Variants in PITPNC1 observed in about 807,000 individuals in gnomAD.
PITPNC1 encodes phosphatidylinositol transfer protein cytoplasmic 1.
In PITPNC1, 18 loss-of-function variants were observed where a neutral mutation model predicts 44.7. The ratio of observed to expected loss-of-function variants is 0.40; its 90% CI spans 0.28 to 0.60. The LOEUF (loss-of-function observed/expected upper bound fraction) is 0.60, where lower values mean the gene tolerates loss of function less well. Among genes scored for constraint, PITPNC1 ranks in the 20% least tolerant of loss-of-function variants. The pLI, the probability that PITPNC1 is intolerant of heterozygous loss-of-function variation, is 0.39. For synonymous variants in PITPNC1, 141 were observed against 149.6 expected (o/e 0.94, Z 0.42); for missense variants, 290 against 418.4 (o/e 0.69, Z 2.68).
rs151024440 is a variant in PITPNC1 at position 67,641,783 on chromosome 17, A to AAATAATAATAAT, written c.462+9575_462+9586dup. Among the ~76,000 whole-genome samples, 1,198 of 135,910 alleles carry AAATAATAATAAT rather than the reference A, an allele frequency of 8.8e-3. 13 individuals are homozygous for AAATAATAATAAT. The highest frequency in any genetic ancestry group is 0.024 in the East Asian group (113 of 4,680). The allele number at this position is 135,910 out of a possible 152,430, so 89.2% of individuals were successfully genotyped here. ...GGCAGCAGAGCAAGACCCTACCTCA[A>AAATAATAATAAT]AATAATAATAATAATAATAATAATA... is the stretch of plus-strand genomic sequence containing the variant. On this transcript the variant is annotated intron_variant, in intron 6 of 8. Coordinates refer to ENST00000581322, the MANE Select transcript of PITPNC1 (RefSeq NM_012417.4).
chr17:67,464,497 G>A (rs934520534), intron 1 of PITPNC1, among the ~76,000 whole-genome samples: 6 of 152,188 alleles, frequency 3.9e-5, no homozygotes, highest in Admixed American at 3.3e-4. Flanking sequence ...AGGACCCATA[G>A]GCTGGCGAAC....
intron 1 of PITPNC1, among the ~76,000 whole-genome samples, chr17:67,418,622 C>T (rs1169632463): frequency 6.6e-6 from 1 of 151,584 alleles, no homozygotes; most frequent in East Asian, 1.9e-4. Context: ...AGTGGTATGT[C>T]TTGTCTCGGC....
chr17:67,690,641 G>A (rs1009855705), intron 8 of PITPNC1, among the ~76,000 whole-genome samples: 1 of 151,930 alleles, frequency 6.6e-6, no homozygotes, highest in African/African-American at 2.4e-5. Flanking sequence ...TCTCTGGGGG[G>A]CCAAAACAGA....
chr17:67,387,170 A>G (rs1184923401), intron 1 of PITPNC1, among the ~76,000 whole-genome samples: 1 of 152,188 alleles, frequency 6.6e-6, no homozygotes, highest in Non-Finnish European at 1.5e-5. Context: ...CGCCATTTAC[A>G]TGGGACCCAG....
chr17:67,436,135 G>C (rs765262717), intron 1 of PITPNC1, among the ~76,000 whole-genome samples: 1 of 150,466 alleles, frequency 6.6e-6, no homozygotes, highest in Non-Finnish European at 1.5e-5. Flanking sequence ...TGGGACTACA[G>C]ATGTGTGCCA....
At chr17:67,411,082 C>CA (rs11311248) in intron 1 of PITPNC1, among the ~76,000 whole-genome samples, 38,990 of 136,196 alleles carry the variant, frequency 0.29, 5,557 homozygotes, top group Non-Finnish European at 0.34. Context: ...ACTCCCATCT[C>CA]AAAAAAAAAA....
At chr17:67,513,791 T>C (rs2040223051) in intron 1 of PITPNC1, among the ~76,000 whole-genome samples, 1 of 152,140 alleles carries the variant, frequency 6.6e-6, no homozygotes, top group Non-Finnish European at 1.5e-5. Context: ...ACTGTGAAGC[T>C]CTTTTCCTCC....
At chr17:67,528,748 G>T (rs1209748635) in intron 1 of PITPNC1, among the ~76,000 whole-genome samples, 5 of 152,236 alleles carry the variant, frequency 3.3e-5, no homozygotes, top group Non-Finnish European at 5.9e-5. Flanking sequence ...TCTCCCCAGA[G>T]TCTGAATGGA....
At chr17:67,448,224 G>A (rs1242464863) in intron 1 of PITPNC1, among the ~76,000 whole-genome samples, 1 of 152,164 alleles carries the variant, frequency 6.6e-6, no homozygotes, top group Non-Finnish European at 1.5e-5. Context: ...TGGGATTACA[G>A]GCATGAGCCA....
intron 8 of PITPNC1, among the ~76,000 whole-genome samples, chr17:67,682,645 A>C (rs2042732211): frequency 6.6e-6 from 1 of 152,230 alleles, no homozygotes; most frequent in South Asian, 2.1e-4. Flanking sequence ...CTGATAGCAG[A>C]GTCTCAAAGA....
intron 2 of PITPNC1, among the ~76,000 whole-genome samples, chr17:67,549,219 C>T (rs139305328): frequency 3.3e-5 from 5 of 152,172 alleles, no homozygotes; most frequent in South Asian, 2.1e-4. Flanking sequence ...TTTAGGAGGC[C>T]GAGGCGGGCG....
intron 4 of PITPNC1, among the ~76,000 whole-genome samples, chr17:67,567,939 T>A (rs1249896589): frequency 6.6e-6 from 1 of 151,468 alleles, no homozygotes. Flanking sequence ...ACCACTGCAC[T>A]CCAGCCTGGG....
chr17:67,390,310 A>G (rs1389206815), intron 1 of PITPNC1, among the ~76,000 whole-genome samples: 1 of 152,194 alleles, frequency 6.6e-6, no homozygotes, highest in Non-Finnish European at 1.5e-5. Flanking sequence ...AAGGCCAGCT[A>G]CAGGGCTGCA....
At chr17:67,378,846 G>C (rs1051871915) in intron 1 of PITPNC1, 2 of 321,920 alleles carry the variant, frequency 6.2e-6, no homozygotes, top group Non-Finnish European at 8.9e-6. Flanking sequence ...TTCCGCCGCG[G>C]GGAGCGGCGC....
chr17:67,447,627 A>G (rs766140305), intron 1 of PITPNC1, among the ~76,000 whole-genome samples: 8 of 151,878 alleles, frequency 5.3e-5, no homozygotes, highest in Non-Finnish European at 8.8e-5. Flanking sequence ...TCAGACTCCC[A>G]AAGTGCTGGG....
intron 1 of PITPNC1, among the ~76,000 whole-genome samples, chr17:67,429,674 G>C (rs1198229214): frequency 1.3e-5 from 2 of 149,116 alleles, no homozygotes; most frequent in African/African-American, 4.9e-5. Context: ...CTCCAGCCTG[G>C]ATGAAAGAGC....
intron 6 of PITPNC1, among the ~76,000 whole-genome samples, chr17:67,635,831 T>C (rs1254030285): frequency 6.6e-6 from 1 of 152,138 alleles, no homozygotes; most frequent in Non-Finnish European, 1.5e-5. Flanking sequence ...TGGAAAACTG[T>C]CCGCTGGAGC....
chr17:67,467,849 C>T (rs989281005), intron 1 of PITPNC1, among the ~76,000 whole-genome samples: 5 of 152,186 alleles, frequency 3.3e-5, no homozygotes, highest in Non-Finnish European at 5.9e-5. Context: ...TAAACAAGAG[C>T]ATTTCAGAAA....
rs773797594 is a variant in PITPNC1 at position 67,522,659 on chromosome 17, C to CTTTTTTTTTTTTTTTTTTTTTTT, written c.49-10129_49-10128insTTTTTTTTTTTTTTTTTTTTTTT. On this transcript the variant is annotated intron_variant, in intron 1 of 8. Transcript: ENST00000581322. ...ATATCATAAAATTTACCATTTTAATCTTTTTTTTTTTTTTGGAAAATGAGG... is the reference window on the plus strand; with the variant it reads ...ATATCATAAAATTTACCATTTTAATCTTTTTTTTTTTTTTTTTTTTTTTTTTTTTTTTTTTTTGGAAAATGAGG... Among the ~76,000 whole-genome samples the CTTTTTTTTTTTTTTTTTTTTTTT allele has an allele frequency of 9.6e-4, 113 of 117,194 alleles. 17 individuals carry two copies. Among genetic ancestry groups the CTTTTTTTTTTTTTTTTTTTTTTT allele is most frequent in the African/African-American group, 4.2e-3 (95 of 22,804 alleles). 76.9% of individuals were successfully genotyped at this position (117,194 alleles called of 152,430 possible).
Sources: gnomAD v4.1 joint callset for allele counts (sites outside exome capture counted in the v4.1 genomes callset) on GRCh38, gnomAD v4.1.1 for gene constraint, MANE v1.5 for transcripts, NCBI Gene and HGNC (gene_info 2026-07-23, HGNC 2026-07-21) for gene names.